FARP1: variants seen among roughly 807,000 people sequenced by gnomAD.
The protein encoded by FARP1 is FERM, ARH/RhoGEF and pleckstrin domain protein 1, also known as FERM, ARHGEF and pleckstrin domain-containing protein 1.
A neutral mutation model predicts 128.8 loss-of-function variants in FARP1; 52 were observed. The observed-to-expected ratio is 0.40, with a 90% CI of 0.32 to 0.51. The LOEUF is 0.51. Among genes scored for constraint, FARP1 ranks in the 20% least tolerant of loss-of-function variants. FARP1 has a pLI of 0.45. For missense variants in FARP1, 1,333 were observed against 1,367.9 expected (o/e 0.97, Z 0.40); for synonymous variants, 580 against 551.8 (o/e 1.05, Z -0.72).
At chr13:98,232,967 G>C (rs954736922) in intron 2 of FARP1, among the ~76,000 whole-genome samples, 11 of 152,182 alleles carry the variant, frequency 7.2e-5, no homozygotes, top group African/African-American at 1.9e-4. Context: ...AAGTTCAAGG[G>C]CCTTTGTCTG....
chr13:98,221,925 G>C (rs1382744344), intron 2 of FARP1, among the ~76,000 whole-genome samples: 1 of 152,166 alleles, frequency 6.6e-6, no homozygotes, highest in Non-Finnish European at 1.5e-5. Flanking sequence ...TAAATGGACT[G>C]ATTTTAAAAA....
At chr13:98,417,369 T>C (rs1891414931) in intron 16 of FARP1, among the ~76,000 whole-genome samples, 1 of 145,944 alleles carries the variant, frequency 6.9e-6, no homozygotes, top group Non-Finnish European at 1.5e-5. Flanking sequence ...TCTTCTCGAC[T>C]ATACCTTTAT....
At chr13:98,426,640 G>A (rs554686575) in intron 17 of FARP1, among the ~76,000 whole-genome samples, 3 of 152,280 alleles carry the variant, frequency 2.0e-5, no homozygotes, top group African/African-American at 7.2e-5. Context: ...AACATTGACT[G>A]GATCCTGAGG....
At chr13:98,239,850 C>A (rs1333666112) in intron 2 of FARP1, among the ~76,000 whole-genome samples, 3 of 152,074 alleles carry the variant, frequency 2.0e-5, no homozygotes, top group Non-Finnish European at 4.4e-5. Context: ...GGCTGCTGGT[C>A]CAGACTGTGC....
intron 2 of FARP1, among the ~76,000 whole-genome samples, chr13:98,296,517 C>A (rs1029829886): frequency 6.6e-6 from 1 of 151,412 alleles, no homozygotes; most frequent in Admixed American, 6.6e-5. Flanking sequence ...GACAGGGACC[C>A]CCCGCTCTTC....
chr13:98,241,543 G>A, intron 2 of FARP1, among the ~76,000 whole-genome samples: 1 of 152,154 alleles, frequency 6.6e-6, no homozygotes, highest in East Asian at 1.9e-4. Context: ...ACTTTGGGAG[G>A]CCCAGGCAGC....
intron 1 of FARP1, among the ~76,000 whole-genome samples, chr13:98,209,930 C>T (rs892346096): frequency 1.8e-4 from 27 of 150,304 alleles, no homozygotes; most frequent in African/African-American, 5.6e-4. Context: ...TGCAGTGAGC[C>T]GAGATTGCGC....
intron 2 of FARP1, among the ~76,000 whole-genome samples, chr13:98,237,459 G>C (rs1262356583): frequency 2.6e-5 from 4 of 152,192 alleles, no homozygotes; most frequent in Non-Finnish European, 2.9e-5. Flanking sequence ...CTATACTACT[G>C]TCCCAGTCTC....
At chr13:98,211,239 G>A (rs1325754696) in intron 1 of FARP1, among the ~76,000 whole-genome samples, 3 of 152,302 alleles carry the variant, frequency 2.0e-5, no homozygotes, top group South Asian at 2.1e-4. Context: ...GAACTGGGCC[G>A]CACAGCAGGA....
intron 16 of FARP1, among the ~76,000 whole-genome samples, chr13:98,417,277 T>C (rs1594512283): frequency 6.7e-6 from 1 of 150,114 alleles, no homozygotes; most frequent in South Asian, 2.1e-4. Flanking sequence ...GGCAGAAAGG[T>C]GTAGGTTTGG....
rs144052968 is a variant in FARP1, at chr13:98,244,516, A to T, written c.171+31103A>T. The stretch of plus-strand genomic sequence containing the variant: ...ATGGTGTCCTCATCCTCCTTCCTCA[A>T]AGCCACCGGCTCCTCCTGGACGGGT... On this transcript the variant is annotated intron_variant, in intron 2 of 26. Transcript: ENST00000319562. 3.3e-5 allele frequency: 53 copies of T among 1,614,128 alleles called. No homozygotes were observed. In the African/African-American group the frequency reaches 6.4e-4, roughly 19 times the overall value.
intron 13 of FARP1, chr13:98,398,058 C>A (rs1189057044): frequency 1.3e-5 from 2 of 152,176 alleles, no homozygotes; most frequent in Non-Finnish European, 2.9e-5. Context: ...ACAAGGGAAG[C>A]ACCAGGCGTG....
chr13:98,292,417 A>G (rs1885490296), intron 2 of FARP1, among the ~76,000 whole-genome samples: 1 of 152,248 alleles, frequency 6.6e-6, no homozygotes, highest in South Asian at 2.1e-4. Context: ...CCATGGGGAA[A>G]ATGTATTTGT....
chr13:98,410,891 GGGAGGCT>G, intron 15 of FARP1, 68 bp downstream of exon 15: 1 of 775,090 alleles, frequency 1.3e-6, no homozygotes, highest in Non-Finnish European at 2.2e-6. Flanking sequence ...CAGCTATACG[GGGAGGCT>G]GGAGCTAATT....
chr13:98,299,909 C>CA (rs778516818), intron 2 of FARP1, among the ~76,000 whole-genome samples: 72 of 152,260 alleles, frequency 4.7e-4, no homozygotes, highest in Non-Finnish European at 8.7e-4. Flanking sequence ...TTCTGCCTCC[C>CA]AGATGATCTG....
chr13:98,341,502 G>A (rs1408260035), intron 2 of FARP1, among the ~76,000 whole-genome samples: 1 of 152,032 alleles, frequency 6.6e-6, no homozygotes, highest in East Asian at 1.9e-4. Flanking sequence ...CGTGGTGGCG[G>A]GCGCCTGTAA....
intron 1 of FARP1, among the ~76,000 whole-genome samples, chr13:98,172,588 G>A (rs561876522): frequency 6.6e-6 from 1 of 152,106 alleles, no homozygotes; most frequent in South Asian, 2.1e-4. Flanking sequence ...CCCTTAACCT[G>A]CCCGCTTCCT....
At chr13:98,235,701 A>G (rs1882371222) in intron 2 of FARP1, among the ~76,000 whole-genome samples, 1 of 152,070 alleles carries the variant, frequency 6.6e-6, no homozygotes. Context: ...TTAAAACTGA[A>G]ACTCTAGATA....
chr13:98,399,058 C>T (rs1594490075), intron 13 of FARP1: 1 of 152,288 alleles, frequency 6.6e-6, no homozygotes, highest in Non-Finnish European at 1.5e-5. Flanking sequence ...AAGAGTTGCT[C>T]ATAGAGTTTT....
Sources: allele counts gnomAD v4.1 joint callset (sites outside exome capture counted in the v4.1 genomes callset), GRCh38; gene constraint gnomAD v4.1.1; transcripts MANE v1.5; gene names NCBI Gene and HGNC (gene_info 2026-07-23, HGNC 2026-07-21).